PHF14: variants seen among roughly 807,000 people sequenced by gnomAD.
PHF14 encodes PHD finger protein 14.
Under a neutral mutation model 117.9 loss-of-function variants are expected in PHF14, and 55 were observed. The observed-to-expected ratio is 0.47, with a 90% CI of 0.38 to 0.58. PHF14 has a LOEUF of 0.58. PHF14 is among the 20% of genes least tolerant of loss of function. The probability of loss-of-function intolerance (pLI) is 0.00; values close to 1 mark genes in which losing one functional copy is unlikely to be tolerated. For synonymous variants in PHF14, 409 were observed against 368.6 expected (o/e 1.11, Z -1.26); for missense variants, 978 against 1,122.2 (o/e 0.87, Z 1.84).
intron 16 of PHF14, chr7:11,105,397 C>T (rs1787224194): frequency 7.3e-6 from 7 of 957,946 alleles, no homozygotes; most frequent in Non-Finnish European, 8.7e-6. Flanking sequence ...AACAAAGTTA[C>T]TTATTTCATA....
At chr7:11,163,431 A>C (rs1789107882) in intron 17 of PHF14, among the ~76,000 whole-genome samples, 1 of 152,232 alleles carries the variant, frequency 6.6e-6, no homozygotes, top group Non-Finnish European at 1.5e-5. Flanking sequence ...AAGAATCTCA[A>C]ATATGCAAAG....
At position 11,013,056 on chromosome 7, in the gene PHF14, T is replaced by G. The variant is rs952170818; in HGVS notation, c.1046-691T>G. On this transcript the variant is annotated intron_variant, in intron 4 of 17. Coordinates refer to ENST00000634607, the MANE Select transcript of PHF14 (RefSeq NM_001007157.2). ...ATCTTTGTTTTGCATGAGTTTGATC[T>G]TTTATATATATATTTTAGTACCTGC... Among the ~76,000 whole-genome samples the G allele has an allele frequency of 4.6e-5, 7 of 152,316 alleles. No homozygotes were observed. In the East Asian group the frequency reaches 1.3e-3, roughly 29 times the overall value.
chr7:11,147,786 G>A lies in PHF14; in HGVS notation c.2773-21630G>A, dbSNP rs565078947. ...TGAGTGATTGCATGCAGTTGTACCT[G>A]TATTTGGGGGACTTTTAAATGTGTA... On this transcript the variant is annotated intron_variant, in intron 17 of 17. Transcript: ENST00000634607. Among the ~76,000 whole-genome samples, 80 of 152,202 alleles carry A rather than the reference G, an allele frequency of 5.3e-4. No individual in the cohort carries two copies. In the South Asian group the frequency reaches 0.014, roughly 27 times the overall value.
intron 17 of PHF14, among the ~76,000 whole-genome samples, chr7:11,154,624 T>C (rs1015689787): frequency 2.0e-5 from 3 of 152,134 alleles, no homozygotes; most frequent in African/African-American, 7.2e-5. Flanking sequence ...ATGCTAACAT[T>C]ATTGCTTTAT....
At chr7:11,103,106 C>G in intron 16 of PHF14, 1 of 970,034 alleles carries the variant, frequency 1.0e-6, no homozygotes, top group Non-Finnish European at 1.2e-6. Flanking sequence ...AATGTTATTT[C>G]TATTTATAAT....
At position 11,022,885 on chromosome 7, in the gene PHF14, G is replaced by T; in HGVS notation, c.1223G>T (p.Cys408Phe). ...TDAGRWVHIV[C>F]ALYVPGVAFG... ...CTTCTTAGATGGGTTCATATTGTTTGTGCCCTGTATGTTCCTGGAGTAGCC... is the reference window on the plus strand; with the variant it reads ...CTTCTTAGATGGGTTCATATTGTTTTTGCCCTGTATGTTCCTGGAGTAGCC... The change falls in exon 6 of 18, where the codon TGT becomes TTT. Residue 408 changes from cysteine (C) to phenylalanine (F), a missense_variant. Transcript: ENST00000634607. 1 of 1,602,042 alleles carries T rather than the reference G, an allele frequency of 6.2e-7. No homozygotes were observed. Among genetic ancestry groups the T allele is most frequent in the Non-Finnish European group, 8.5e-7 (1 of 1,171,216 alleles).
chr7:10,987,703 T>C (rs1173995719), intron 3 of PHF14, among the ~76,000 whole-genome samples: 1 of 152,170 alleles, frequency 6.6e-6, no homozygotes, highest in East Asian at 1.9e-4. Flanking sequence ...AACCATATTT[T>C]AGAAATTTTA....
intron 14 of PHF14, among the ~76,000 whole-genome samples, chr7:11,057,549 A>G (rs756948082): frequency 6.6e-6 from 1 of 151,704 alleles, no homozygotes. Flanking sequence ...TGAGTTTTGT[A>G]TTTTAGTAGA....
At chr7:10,993,186 G>A (rs1219245859) in intron 4 of PHF14, among the ~76,000 whole-genome samples, 1 of 151,982 alleles carries the variant, frequency 6.6e-6, no homozygotes, top group Non-Finnish European at 1.5e-5. Context: ...TGGTTTATCT[G>A]TGGTAAAGTT....
chr7:11,055,411 T>G (rs1784984391), intron 14 of PHF14, among the ~76,000 whole-genome samples: 2 of 152,188 alleles, frequency 1.3e-5, no homozygotes, highest in South Asian at 4.1e-4. Flanking sequence ...CTTTCCATTG[T>G]TTTTACACAC....
chr7:11,144,573 A>G (rs1425987853), intron 17 of PHF14, among the ~76,000 whole-genome samples: 1 of 148,586 alleles, frequency 6.7e-6, no homozygotes, highest in Non-Finnish European at 1.5e-5. Context: ...AATTTATAAT[A>G]TATAAAATAT....
intron 14 of PHF14, 37 bp downstream of exon 14, chr7:11,051,817 T>C (rs1368182267): frequency 6.4e-7 from 1 of 1,562,954 alleles, no homozygotes; most frequent in Admixed American, 1.7e-5. Context: ...CATCATACAA[T>C]TCTGAGGCCA....
At chr7:10,976,220 A>C (rs777535772) in intron 2 of PHF14, among the ~76,000 whole-genome samples, 4 of 152,194 alleles carry the variant, frequency 2.6e-5, no homozygotes, top group Non-Finnish European at 4.4e-5. Flanking sequence ...GCAGCAATCA[A>C]AAATTGATAA....
chr7:11,075,927 C>G (rs1177669448), intron 16 of PHF14, among the ~76,000 whole-genome samples: 5 of 151,798 alleles, frequency 3.3e-5, no homozygotes, highest in African/African-American at 1.2e-4. Flanking sequence ...GTCAGGAGAT[C>G]GAGAGCATCC....
At chr7:11,051,044 T>C (rs979496687) in intron 13 of PHF14, among the ~76,000 whole-genome samples, 1 of 151,994 alleles carries the variant, frequency 6.6e-6, no homozygotes, top group African/African-American at 2.4e-5. Context: ...AAAGGTAAAT[T>C]ATTATTATTA....
intron 16 of PHF14, chr7:11,108,360 C>T (rs1424879189): frequency 6.6e-6 from 1 of 151,582 alleles, no homozygotes; most frequent in African/African-American, 2.4e-5. Flanking sequence ...TTTTCCCCTT[C>T]TGTTTTTTGG....
intron 17 of PHF14, among the ~76,000 whole-genome samples, chr7:11,148,427 A>G (rs1308689130): frequency 1.3e-5 from 2 of 152,128 alleles, no homozygotes; most frequent in African/African-American, 4.8e-5. Flanking sequence ...CTTCTCACAG[A>G]TCAGTACATG....
Position 11,061,849 on chromosome 7 carries a change from T to G in PHF14, c.2532+8T>G. The G allele has an allele frequency of 6.5e-7, 1 of 1,533,312 alleles. No homozygotes were observed. Among genetic ancestry groups the G allele is most frequent in the Middle Eastern group, 1.7e-4 (1 of 5,868 alleles). 95.0% of individuals were successfully genotyped at this position (1,533,312 alleles called of 1,614,324 possible). On this transcript the variant is annotated splice_region_variant and intron_variant, in intron 15 of 17. Coordinates refer to ENST00000634607, the MANE Select transcript of PHF14 (RefSeq NM_001007157.2). The stretch of plus-strand genomic sequence containing the variant: ...GAGGAAGAAAAACATGAGGTTGGAA[T>G]AAGTTAAGCACTTTTACACAGTCTT...
At chr7:11,013,401 A>G (rs1783420486) in intron 4 of PHF14, among the ~76,000 whole-genome samples, 1 of 152,122 alleles carries the variant, frequency 6.6e-6, no homozygotes, top group South Asian at 2.1e-4. Context: ...ACCTCAGGTG[A>G]TCTGCCCACC....
Sources: gnomAD v4.1 joint callset for allele counts (sites outside exome capture counted in the v4.1 genomes callset) on GRCh38, gnomAD v4.1.1 for gene constraint, MANE v1.5 for transcripts, NCBI Gene and HGNC (gene_info 2026-07-23, HGNC 2026-07-21) for gene names.